Variants in CARMIL1 observed in about 807,000 individuals in gnomAD.
CARMIL1 encodes capping protein regulator and myosin 1 linker 1.
Under a neutral mutation model 177.1 loss-of-function variants are expected in CARMIL1, and 90 were observed. The ratio of observed to expected loss-of-function variants is 0.51; its 90% CI spans 0.43 to 0.61. The LOEUF is 0.61. CARMIL1 is among the 20% of genes least tolerant of loss of function. The probability of loss-of-function intolerance (pLI) is 0.00; values close to 1 mark genes in which losing one functional copy is unlikely to be tolerated. For missense variants in CARMIL1, 1,380 were observed against 1,667.0 expected (o/e 0.83, Z 3.00); for synonymous variants, 577 against 606.2 (o/e 0.95, Z 0.71).
intron 29 of CARMIL1, among the ~76,000 whole-genome samples, chr6:25,579,681 C>G (rs1425122491): frequency 6.6e-6 from 1 of 152,074 alleles, no homozygotes; most frequent in Non-Finnish European, 1.5e-5. Flanking sequence ...TTGAAAAAAG[C>G]CAAATCGGCA....
At chr6:25,354,300 A>G (rs1788367038) in intron 2 of CARMIL1, among the ~76,000 whole-genome samples, 3 of 144,212 alleles carry the variant, frequency 2.1e-5, no homozygotes, top group African/African-American at 7.7e-5. Flanking sequence ...CTGGGACTAT[A>G]GTTGCGTAGC....
At chr6:25,429,768 T>G (rs1796574563) in intron 4 of CARMIL1, among the ~76,000 whole-genome samples, 1 of 150,908 alleles carries the variant, frequency 6.6e-6, no homozygotes, top group South Asian at 2.1e-4. Context: ...TTAAAATGAT[T>G]AGTTATATTG....
intron 2 of CARMIL1, among the ~76,000 whole-genome samples, chr6:25,411,014 C>CT (rs373175818): frequency 1.1e-4 from 17 of 152,254 alleles, no homozygotes; most frequent in African/African-American, 4.1e-4. Context: ...CTAAAAGAGG[C>CT]TGGCTGGCCC....
chr6:25,416,544 A>G (rs1581865849), intron 2 of CARMIL1, among the ~76,000 whole-genome samples: 1 of 152,222 alleles, frequency 6.6e-6, no homozygotes, highest in Admixed American at 6.5e-5. Context: ...GGTACTGGCA[A>G]TTATTACTAT....
At chr6:25,600,019 C>A (rs192193446) in intron 32 of CARMIL1, among the ~76,000 whole-genome samples, 56 of 152,136 alleles carry the variant, frequency 3.7e-4, no homozygotes, top group Non-Finnish European at 6.5e-4. Context: ...ATATATAAAA[C>A]AAGAAACAAA....
chr6:25,464,888 A>G (rs972358588), intron 8 of CARMIL1, among the ~76,000 whole-genome samples: 2 of 152,122 alleles, frequency 1.3e-5, no homozygotes, highest in African/African-American at 4.8e-5. Flanking sequence ...TAGATGAGTA[A>G]CAAGTTGTCA....
intron 12 of CARMIL1, among the ~76,000 whole-genome samples, chr6:25,487,002 A>G (rs986703993): frequency 2.6e-5 from 4 of 152,312 alleles, no homozygotes; most frequent in Middle Eastern, 3.4e-3. Context: ...GTTAGCATTC[A>G]GTAAATGGTG....
intron 8 of CARMIL1, 50 bp from the exon 9 acceptor site, chr6:25,465,823 T>C: frequency 9.7e-7 from 1 of 1,027,530 alleles, no homozygotes. Context: ...TAAGTGTCAG[T>C]GTAGCTACTG....
intron 4 of CARMIL1, among the ~76,000 whole-genome samples, chr6:25,427,289 T>C (rs1796356080): frequency 6.6e-6 from 1 of 152,158 alleles, no homozygotes. Context: ...ACCTAGGTAT[T>C]AAGCCCAGCA....
intron 33 of CARMIL1, among the ~76,000 whole-genome samples, chr6:25,601,421 C>T (rs116734937): frequency 0.012 from 1,870 of 152,142 alleles, 31 homozygotes; most frequent in African/African-American, 0.04. Flanking sequence ...AAAAGACAGT[C>T]GGCTGAATCC....
At chr6:25,525,702 G>A (rs1807026118) in intron 23 of CARMIL1, among the ~76,000 whole-genome samples, 1 of 152,162 alleles carries the variant, frequency 6.6e-6, no homozygotes, top group Non-Finnish European at 1.5e-5. Flanking sequence ...TCTGTTATAA[G>A]TTACCTACAC....
Position 25,619,685 on chromosome 6 carries a change from C to A in CARMIL1, c.*102C>A. Reference sequence around the variant, plus strand: ...CTTCCCAGGCGTTCTTCTCTGGGTGCTTTATTCTCTTCTTTTTCTTTATTT... The same window carrying A: ...CTTCCCAGGCGTTCTTCTCTGGGTGATTTATTCTCTTCTTTTTCTTTATTT... On this transcript the variant is annotated 3_prime_UTR_variant, in exon 37 of 37. Coordinates refer to ENST00000329474, the MANE Select transcript of CARMIL1 (RefSeq NM_017640.6). 1 of 967,744 alleles carries A rather than the reference C, an allele frequency of 1.0e-6. No homozygotes were observed. The allele number at this position is 967,744 out of a possible 1,614,324, so 59.9% of individuals were successfully genotyped here.
chr6:25,598,275 G>A (rs1815047573), intron 32 of CARMIL1, among the ~76,000 whole-genome samples: 1 of 151,746 alleles, frequency 6.6e-6, no homozygotes. Flanking sequence ...ATCTCACTCT[G>A]TCACCCAGGC....
intron 25 of CARMIL1, 35 bp downstream of exon 25, chr6:25,538,018 A>T (rs370680311): frequency 1.9e-6 from 3 of 1,553,822 alleles, no homozygotes; most frequent in African/African-American, 2.7e-5. Context: ...AGAGTCTGGT[A>T]TAATAAAAAC....
At chr6:25,578,313 CAG>C (rs1288434725) in intron 29 of CARMIL1, among the ~76,000 whole-genome samples, 1 of 152,100 alleles carries the variant, frequency 6.6e-6, no homozygotes, top group Non-Finnish European at 1.5e-5. Context: ...ATGGTAAAGT[CAG>C]ATTGTTTTCT....
rs1225207785 is a variant in CARMIL1 at position 25,450,646 on chromosome 6, T to C, written c.549T>C (p.Asp183=). 4 of 1,589,232 alleles carry C rather than the reference T, an allele frequency of 2.5e-6. No individual in the cohort carries two copies. The highest frequency in any genetic ancestry group is 2.7e-5 in the African/African-American group (2 of 74,608). The change falls in exon 8 of 37, where the codon GAT becomes GAC. Residue 183 remains aspartate (D), a synonymous_variant. Coordinates refer to ENST00000329474, the MANE Select transcript of CARMIL1 (RefSeq NM_017640.6). ...AATTATATTTCAAATAGGATGTGGATACAATTTATCTTACCCAAGACACCA... is the reference window on the plus strand; with the variant it reads ...AATTATATTTCAAATAGGATGTGGACACAATTTATCTTACCCAAGACACCA... The part of the protein sequence containing the change: ...SYREEVQWDV[D]TIYLTQDTRE...
chr6:25,603,218 C>T (rs1336778237), intron 33 of CARMIL1, among the ~76,000 whole-genome samples: 1 of 152,238 alleles, frequency 6.6e-6, no homozygotes, highest in Non-Finnish European at 1.5e-5. Context: ...CATGGATGGT[C>T]CCCAGCCCTG....
chr6:25,619,145 C>T lies in CARMIL1; in HGVS notation c.3980-302C>T, dbSNP rs1051449207. Among the ~76,000 whole-genome samples the T allele has an allele frequency of 3.3e-5, 5 of 152,318 alleles. No individual in the cohort carries two copies. In the East Asian group the frequency reaches 5.8e-4, roughly 18 times the overall value. ...CCTCCTCCCTCCTGGCATCTCCCTC[C>T]GCTTCCCCACCATCCTTTCCTCGGG... On this transcript the variant is annotated intron_variant, in intron 36 of 36. Coordinates refer to ENST00000329474, the MANE Select transcript of CARMIL1 (RefSeq NM_017640.6).
intron 26 of CARMIL1, among the ~76,000 whole-genome samples, chr6:25,548,078 T>C (rs1809694220): frequency 1.3e-5 from 2 of 152,066 alleles, no homozygotes; most frequent in Non-Finnish European, 2.9e-5. Context: ...GCAACCATGA[T>C]TGGATTATGA....
Sources: gnomAD v4.1 joint callset for allele counts (sites outside exome capture counted in the v4.1 genomes callset) on GRCh38, gnomAD v4.1.1 for gene constraint, MANE v1.5 for transcripts, NCBI Gene and HGNC (gene_info 2026-07-23, HGNC 2026-07-21) for gene names.